RBM34: variants seen among roughly 807,000 people sequenced by gnomAD.
The protein encoded by RBM34 is RNA-binding protein 34.
In RBM34, 39 loss-of-function variants were observed where a neutral mutation model predicts 44.6. That is an observed-to-expected ratio of 0.87 (90% CI 0.68 to 1.14). The LOEUF is 1.14. RBM34 is among the 50% of genes most tolerant of loss of function. RBM34 has a pLI of 0.00. For synonymous variants in RBM34, 194 were observed against 184.0 expected (o/e 1.05, Z -0.44); for missense variants, 572 against 517.9 (o/e 1.10, Z -1.01).
intron 10 of RBM34, among the ~76,000 whole-genome samples, chr1:235,135,049 G>GTT (rs796789432): frequency 4.9e-5 from 6 of 122,274 alleles, no homozygotes; most frequent in South Asian, 2.7e-4. Context: ...TGGCCGGTTT[G>GTT]TTTTTTTTTT....
rs1429848276 is a variant in RBM34, at chr1:235,154,977, A to C, written c.501T>G (p.Ser167Arg). The C allele has an allele frequency of 6.2e-7, 1 of 1,614,036 alleles. No individual in the cohort carries two copies. Among genetic ancestry groups the C allele is most frequent in the African/African-American group, 1.3e-5 (1 of 75,034 alleles). ...ILDDTEDTVV[S>R]QRKKIQINQE... Reference sequence around the variant, plus strand: ...GGTTGATTTGAATTTTCTTTCTTTGACTGACAACTGTGTCTTCTGTGTCAT... The same window carrying C: ...GGTTGATTTGAATTTTCTTTCTTTGCCTGACAACTGTGTCTTCTGTGTCAT... Residue 167 changes from serine (S) to arginine (R), a missense_variant, in exon 4 of 11, where the codon AGT (serine) becomes AGG (arginine). By Grantham distance (110) the Ser-to-Arg change is moderately radical. Transcript: ENST00000408888.
At position 235,140,375 on chromosome 1, in the gene RBM34, G is replaced by A. The variant is rs111426285; in HGVS notation, c.702-2201C>T. Among the ~76,000 whole-genome samples, 435 of 152,226 alleles carry A rather than the reference G, an allele frequency of 2.9e-3. 5 individuals carry two copies. The highest frequency in any genetic ancestry group is 9.9e-3 in the African/African-American group (411 of 41,488). ...CGTGGGCTTGGCGGGCCCCGCACTC[G>A]GAGCAGCCGGCCGGCCCTGCAGGCC... is the stretch of plus-strand genomic sequence containing the variant. On this transcript the variant is annotated intron_variant, in intron 6 of 10. Coordinates refer to ENST00000408888, the MANE Select transcript of RBM34 (RefSeq NM_015014.4).
intron 4 of RBM34, among the ~76,000 whole-genome samples, chr1:235,153,485 G>A (rs1020149612): frequency 5.3e-5 from 8 of 151,600 alleles, no homozygotes; most frequent in Non-Finnish European, 8.8e-5. Context: ...GAGTGCGGTG[G>A]CACGATCTTG....
At position 235,160,654 on chromosome 1, in the gene RBM34, A is replaced by T. The variant is rs1338928927; in HGVS notation, c.229-7T>A. ...TCGTTTTTTTGATGGTTTGCTTTTT[A>T]AAAGTTTGAAGTTATATTTGAGACC... On this transcript the variant is annotated splice_region_variant and splice_polypyrimidine_tract_variant and intron_variant, in intron 2 of 10. Transcript: ENST00000408888. The T allele has an allele frequency of 1.2e-6, 2 of 1,609,306 alleles. No homozygotes were observed. The highest frequency in any genetic ancestry group is 2.7e-5 in the African/African-American group (2 of 74,470).
intron 5 of RBM34, among the ~76,000 whole-genome samples, chr1:235,151,476 G>C (rs1662155506): frequency 6.6e-6 from 1 of 152,214 alleles, no homozygotes. Context: ...CACTGTCAAA[G>C]CTTTGGGTAA....
At chr1:235,150,183 TC>T (rs1269966034) in intron 5 of RBM34, among the ~76,000 whole-genome samples, 1 of 152,224 alleles carries the variant, frequency 6.6e-6, no homozygotes, top group Non-Finnish European at 1.5e-5. Flanking sequence ...CAAGCGATTC[TC>T]CCATCTCAGC....
At chr1:235,137,855 A>T in intron 8 of RBM34, 22 bp downstream of exon 8, 1 of 1,551,426 alleles carries the variant, frequency 6.4e-7, no homozygotes, top group Non-Finnish European at 8.8e-7. Flanking sequence ...CTCGTTCTTT[A>T]AACAAATCAA....
intron 6 of RBM34, among the ~76,000 whole-genome samples, chr1:235,146,890 G>A (rs1306515203): frequency 6.6e-6 from 1 of 152,092 alleles, no homozygotes; most frequent in South Asian, 2.1e-4. Flanking sequence ...CAAAGTGCTG[G>A]GATTACAGGT....
rs963296883 is a variant in RBM34, at chr1:235,147,931, T to A, written c.701+473A>T. Among the ~76,000 whole-genome samples the A allele has an allele frequency of 9.2e-5, 14 of 152,158 alleles. No homozygotes were observed. In the South Asian group the frequency reaches 2.7e-3, roughly 29 times the overall value. Reference sequence around the variant, plus strand: ...GACTTGTAGGTTTCATTCTTGACACTGAGTGGGAAACAAAAAAAATCCCCT... The same window carrying A: ...GACTTGTAGGTTTCATTCTTGACACAGAGTGGGAAACAAAAAAAATCCCCT... On this transcript the variant is annotated intron_variant, in intron 6 of 10. Transcript: ENST00000408888.
chr1:235,144,376 C>T (rs1408559282), intron 6 of RBM34, among the ~76,000 whole-genome samples: 3 of 151,646 alleles, frequency 2.0e-5, no homozygotes, highest in Admixed American at 6.6e-5. Context: ...AGAAGAAACT[C>T]GAGATGATAA....
chr1:235,131,755 C>T lies in RBM34; in HGVS notation c.1251G>A (p.Gln417=). ...GTTTCTTAGGGCGTCCACTTTTCTTCTGTCCTTTCTTCTTCGTTTTAAGGA... is the reference window on the plus strand; with the variant it reads ...GTTTCTTAGGGCGTCCACTTTTCTTTTGTCCTTTCTTCTTCGTTTTAAGGA... ...AVLLKTKKKG[Q]KKSGRPKKQR... is the part of the protein sequence containing the mutation. Residue 417 remains glutamine (Q), a synonymous_variant, in exon 11 of 11, where the codon CAG becomes CAA. Coordinates refer to ENST00000408888, the MANE Select transcript of RBM34 (RefSeq NM_015014.4). The T allele has an allele frequency of 6.2e-7, 1 of 1,607,004 alleles. No individual in the cohort carries two copies. Among genetic ancestry groups the T allele is most frequent in the Non-Finnish European group, 8.5e-7 (1 of 1,177,984 alleles).
chr1:235,143,951 G>A (rs1661794732), intron 6 of RBM34, among the ~76,000 whole-genome samples: 1 of 152,162 alleles, frequency 6.6e-6, no homozygotes, highest in South Asian at 2.1e-4. Flanking sequence ...GGCAAAGGCA[G>A]GAGGGCTACT....
rs565411384 is a variant in RBM34, at chr1:235,146,140, G to C, written c.701+2264C>G. Among the ~76,000 whole-genome samples, 14 of 151,998 alleles carry C rather than the reference G, an allele frequency of 9.2e-5. No homozygotes were observed. The South Asian group carries it at 2.9e-3, about 32-fold the overall frequency. On this transcript the variant is annotated intron_variant, in intron 6 of 10. Coordinates refer to ENST00000408888, the MANE Select transcript of RBM34 (RefSeq NM_015014.4). ...TCATGCCCAGCTAATTTTTTGTAGAGATGGGGTTTTGCCATTTTGCCCAGG... is the reference window on the plus strand; with the variant it reads ...TCATGCCCAGCTAATTTTTTGTAGACATGGGGTTTTGCCATTTTGCCCAGG...
In RBM34 at chr1:235,135,636, C is replaced by T; in HGVS notation, c.1008+16G>A. The stretch of plus-strand genomic sequence containing the variant: ...GGCACTTCGAAGGACAGTGACAATG[C>T]ATTAGTCTCCCATACCTCAAAGAGC... On this transcript the variant is annotated intron_variant, in intron 10 of 10. Coordinates refer to ENST00000408888, the MANE Select transcript of RBM34 (RefSeq NM_015014.4). 1 of 1,592,666 alleles carries T rather than the reference C, an allele frequency of 6.3e-7. No individual in the cohort carries two copies. The highest frequency in any genetic ancestry group is 8.6e-7 in the Non-Finnish European group (1 of 1,160,350).
chr1:235,136,047 C>A lies in RBM34; in HGVS notation c.876G>T (p.Gly292=), dbSNP rs957464930. The part of the protein sequence containing the change: ...SSRDKRSVFV[G]NLPYKVEESA... ...AAACAAACTTACTATAAGGGAGATT[C>A]CCCACAAAAACCGATCTCTTGTCTC... Residue 292 remains glycine, a synonymous_variant, in exon 9 of 11, where the codon GGG becomes GGT. Coordinates refer to ENST00000408888, the MANE Select transcript of RBM34 (RefSeq NM_015014.4). The A allele has an allele frequency of 1.9e-6, 3 of 1,593,744 alleles. No individual in the cohort carries two copies. The highest frequency in any genetic ancestry group is 1.7e-5 in the Admixed American group (1 of 59,178).
rs74148652 is a variant in RBM34, at chr1:235,133,488, A to G, written c.1009-1491T>C. Among the ~76,000 whole-genome samples, 1,042 of 152,358 alleles carry G rather than the reference A, an allele frequency of 6.8e-3. 15 individuals are homozygous for G. Among genetic ancestry groups the G allele is most frequent in the African/African-American group, 0.024 (996 of 41,584 alleles). On this transcript the variant is annotated intron_variant, in intron 10 of 10. Transcript: ENST00000408888. Reference sequence around the variant, plus strand: ...CTTACATAACAGAAAACAACATAAAATAAGATGTAAATATAATTTAAGTTC... The same window carrying G: ...CTTACATAACAGAAAACAACATAAAGTAAGATGTAAATATAATTTAAGTTC...
At chr1:235,140,717 C>A (rs1018851418) in intron 6 of RBM34, among the ~76,000 whole-genome samples, 1 of 152,232 alleles carries the variant, frequency 6.6e-6, no homozygotes, top group Non-Finnish European at 1.5e-5. Context: ...CCACCTGCAG[C>A]CCCGGTGCAG....
intron 5 of RBM34, among the ~76,000 whole-genome samples, chr1:235,149,879 A>T (rs1188060607): frequency 6.6e-6 from 1 of 152,208 alleles, no homozygotes; most frequent in East Asian, 1.9e-4. Flanking sequence ...TAAAACTATG[A>T]AATTTTAACT....
Position 235,150,705 on chromosome 1 carries a change from G to A in RBM34, c.657+2001C>T, listed in dbSNP as rs183863983. ...AGAATAATTAACACAATGTACAGGT[G>A]CTGGTAACCCAAGAAGAAGTAAGAC... On this transcript the variant is annotated intron_variant, in intron 5 of 10. Transcript: ENST00000408888. Among the ~76,000 whole-genome samples the A allele has an allele frequency of 5.9e-4, 87 of 147,720 alleles. 2 individuals carry two copies. The highest frequency in any genetic ancestry group is 1.9e-3 in the African/African-American group (76 of 39,514).
Sources: gnomAD v4.1 joint callset for allele counts (sites outside exome capture counted in the v4.1 genomes callset) on GRCh38, gnomAD v4.1.1 for gene constraint, MANE v1.5 for transcripts, NCBI Gene and HGNC (gene_info 2026-07-23, HGNC 2026-07-21) for gene names.